CDH13: variants seen among roughly 807,000 people sequenced by gnomAD.
CDH13 encodes the protein cadherin 13.
CDH13 carries 24 observed loss-of-function variants against 63.8 expected under a neutral mutation model. The ratio of observed to expected loss-of-function variants is 0.38; its 90% CI spans 0.27 to 0.53. The LOEUF (loss-of-function observed/expected upper bound fraction) is 0.53, where lower values mean the gene tolerates loss of function less well. Among genes scored for constraint, CDH13 ranks in the 20% least tolerant of loss-of-function variants. CDH13 has a pLI of 0.85. For missense variants in CDH13, 1,049 were observed against 903.1 expected (o/e 1.16, Z -2.07); for synonymous variants, 503 against 355.3 (o/e 1.42, Z -4.67).
chr16:83,395,147 CAAAA>C (rs56374797), intron 6 of CDH13, among the ~76,000 whole-genome samples: 1 of 106,724 alleles, frequency 9.4e-6, no homozygotes, highest in African/African-American at 3.9e-5. Context: ...GACTCCATCT[CAAAA>C]AAAAAAAAAA....
chr16:83,019,702 C>G (rs1247062027), intron 2 of CDH13, among the ~76,000 whole-genome samples: 1 of 151,274 alleles, frequency 6.6e-6, no homozygotes, highest in Non-Finnish European at 1.5e-5. Context: ...TGCCATGTTG[C>G]CCAGTATGGT....
chr16:82,676,486 C>CTTTTT (rs11330492), intron 1 of CDH13, among the ~76,000 whole-genome samples: 95 of 96,294 alleles, frequency 9.9e-4, no homozygotes, highest in Non-Finnish European at 1.2e-3. Context: ...ACCATCATTT[C>CTTTTT]TTTTTTTTTT....
At chr16:82,751,467 G>A (rs951625223) in intron 1 of CDH13, among the ~76,000 whole-genome samples, 2 of 152,070 alleles carry the variant, frequency 1.3e-5, no homozygotes, top group African/African-American at 4.8e-5. Context: ...CCCTACACAA[G>A]GCACACACTG....
At chr16:82,958,666 T>C (rs542023635) in intron 2 of CDH13, among the ~76,000 whole-genome samples, 1 of 152,250 alleles carries the variant, frequency 6.6e-6, no homozygotes, top group Admixed American at 6.5e-5. Flanking sequence ...TGTAGAGAAG[T>C]GTAAGTTCAA....
chr16:82,688,925 G>C (rs900074322), intron 1 of CDH13: 1 of 152,134 alleles, frequency 6.6e-6, no homozygotes, highest in Non-Finnish European at 1.5e-5. Context: ...GCTTGGTCAG[G>C]CTTCCTGGTC....
At chr16:83,560,904 C>CA (rs969144489) in intron 7 of CDH13, among the ~76,000 whole-genome samples, 11 of 151,942 alleles carry the variant, frequency 7.2e-5, no homozygotes, top group Non-Finnish European at 1.3e-4. Context: ...GGTTGGCCCC[C>CA]CCCCCGCCCC....
intron 1 of CDH13, among the ~76,000 whole-genome samples, chr16:82,760,423 T>A (rs1342401496): frequency 6.6e-6 from 1 of 152,182 alleles, no homozygotes; most frequent in Non-Finnish European, 1.5e-5. Context: ...ATTGTTTATC[T>A]TATGATTTTA....
intron 3 of CDH13, among the ~76,000 whole-genome samples, chr16:83,096,856 G>C (rs893135389): frequency 6.6e-6 from 1 of 152,152 alleles, no homozygotes; most frequent in Non-Finnish European, 1.5e-5. Flanking sequence ...TTTAACATCT[G>C]AGTTTTTGTT....
At chr16:82,874,660 T>C (rs866058873) in intron 2 of CDH13, among the ~76,000 whole-genome samples, 10 of 152,308 alleles carry the variant, frequency 6.6e-5, no homozygotes, top group South Asian at 2.1e-4. Flanking sequence ...TGAGGAAACA[T>C]TGATTCTGAA....
chr16:82,628,134 C>T (rs982172832), intron 1 of CDH13, among the ~76,000 whole-genome samples: 1 of 152,198 alleles, frequency 6.6e-6, no homozygotes, highest in African/African-American at 2.4e-5. Context: ...GCGGGGGGCA[C>T]GCCCTGCGCT....
At chr16:83,515,283 T>G (rs928065183) in intron 7 of CDH13, among the ~76,000 whole-genome samples, 5 of 152,208 alleles carry the variant, frequency 3.3e-5, no homozygotes, top group African/African-American at 1.2e-4. Context: ...CTAGAAGCTT[T>G]GAAACCACCA....
At chr16:83,500,678 T>C (rs1431613061) in intron 7 of CDH13, among the ~76,000 whole-genome samples, 6 of 144,648 alleles carry the variant, frequency 4.1e-5, no homozygotes, top group Non-Finnish European at 1.5e-5. Context: ...ATTCAAGCAA[T>C]TCTCGCACCT....
chr16:83,269,762 C>T (rs567688119), intron 5 of CDH13, among the ~76,000 whole-genome samples: 25 of 152,306 alleles, frequency 1.6e-4, no homozygotes, highest in Non-Finnish European at 3.4e-4. Flanking sequence ...CCTTGCTCCT[C>T]ACCAGGTAAT....
chr16:83,527,448 CA>C (rs113406128), intron 7 of CDH13, among the ~76,000 whole-genome samples: 9,750 of 138,636 alleles, frequency 0.07, 1,022 homozygotes, highest in African/African-American at 0.24. Flanking sequence ...GACCCCATCT[CA>C]AAAAAAAAAA....
At chr16:82,788,149 C>T (rs959871210) in intron 1 of CDH13, among the ~76,000 whole-genome samples, 1 of 152,164 alleles carries the variant, frequency 6.6e-6, no homozygotes, top group African/African-American at 2.4e-5. Context: ...AGGAATGCAT[C>T]TAGGAACCAA....
intron 4 of CDH13, among the ~76,000 whole-genome samples, chr16:83,200,963 GT>G: frequency 1.4e-5 from 2 of 145,764 alleles, no homozygotes; most frequent in Non-Finnish European, 3.0e-5. Context: ...GTGTGTGTGT[GT>G]GTGTGTGTTA....
intron 4 of CDH13, among the ~76,000 whole-genome samples, chr16:83,185,500 G>A (rs1038853228): frequency 6.6e-6 from 1 of 152,130 alleles, no homozygotes; most frequent in East Asian, 1.9e-4. Flanking sequence ...GATGCTAAAC[G>A]CTATATTTTC....
intron 7 of CDH13, among the ~76,000 whole-genome samples, chr16:83,528,010 AG>A: frequency 6.6e-6 from 1 of 152,328 alleles, no homozygotes; most frequent in East Asian, 1.9e-4. Flanking sequence ...TTTATCGGGA[AG>A]GCCAGGGCTA....
chr16:83,731,608 G>T (rs1355558860), intron 10 of CDH13, among the ~76,000 whole-genome samples: 2 of 152,166 alleles, frequency 1.3e-5, no homozygotes, highest in African/African-American at 2.4e-5. Flanking sequence ...CATTCTATAG[G>T]TTGTCTGTTT....
Sources: allele counts gnomAD v4.1 joint callset (sites outside exome capture counted in the v4.1 genomes callset), GRCh38; gene constraint gnomAD v4.1.1; transcripts MANE v1.5; gene names NCBI Gene and HGNC (gene_info 2026-07-23, HGNC 2026-07-21).